The following MYO18B variants were observed in gnomAD, a reference collection of about 807,000 sequenced individuals.
MYO18B encodes the protein myosin XVIIIB, also known as unconventional myosin-XVIIIb.
In MYO18B, 204 loss-of-function variants were observed where a neutral mutation model predicts 273.0. The observed-to-expected ratio is 0.75, with a 90% confidence interval of 0.67 to 0.84. The LOEUF is 0.84. MYO18B is among the 40% of genes least tolerant of loss of function. The probability of loss-of-function intolerance (pLI) is 0.00; values close to 1 mark genes in which losing one functional copy is unlikely to be tolerated. For missense variants in MYO18B, 3,212 were observed against 3,287.6 expected (o/e 0.98, Z 0.56); for synonymous variants, 1,330 against 1,305.7 (o/e 1.02, Z -0.40).
chr22:25,879,015 G>A (rs183523478), intron 25 of MYO18B, among the ~76,000 whole-genome samples: 1 of 152,364 alleles, frequency 6.6e-6, no homozygotes, highest in East Asian at 1.9e-4. Context: ...AACAGTAGGT[G>A]AATATGTTTT....
At chr22:25,843,918 C>A (rs753030852) in intron 18 of MYO18B, 24 bp downstream of exon 18, 1 of 1,589,674 alleles carries the variant, frequency 6.3e-7, no homozygotes, top group Non-Finnish European at 8.6e-7. Flanking sequence ...GGGTTGGGGA[C>A]GGGGATGGAG....
At chr22:26,041,403 A>G in the MYO18B span, among the ~76,000 whole-genome samples, 1 of 151,248 alleles carries the variant, frequency 6.6e-6, no homozygotes, top group African/African-American at 2.4e-5. Context: ...ATGGTGGCAC[A>G]TGCCTGTAAT....
At chr22:25,894,346 TG>T (rs1326379841) in intron 27 of MYO18B, among the ~76,000 whole-genome samples, 1 of 152,200 alleles carries the variant, frequency 6.6e-6, no homozygotes, top group African/African-American at 2.4e-5. Flanking sequence ...GGATGATAGA[TG>T]AATAAGTGGG....
intron 21 of MYO18B, among the ~76,000 whole-genome samples, chr22:25,859,194 A>C (rs2090658925): frequency 6.6e-6 from 1 of 152,138 alleles, no homozygotes; most frequent in Non-Finnish European, 1.5e-5. Flanking sequence ...ATTTGCCTTA[A>C]AAACCTCAAA....
chr22:25,826,456 C>T lies in MYO18B; in HGVS notation c.2743C>T (p.Leu915=), dbSNP rs2089493799. 1.2e-6 allele frequency: 2 copies of T among 1,613,860 alleles called. No individual in the cohort carries two copies. The highest frequency in any genetic ancestry group is 1.7e-6 in the Non-Finnish European group (2 of 1,179,798). The part of the protein sequence containing the change: ...VDCVEGMASG[L]YQELFAAVVS... ...CTGTGTGGAGGGGATGGCCTCGGGC[C>T]TGTACCAGGAACTCTTTGCGGCTGT... Residue 915 remains leucine, a synonymous_variant, in exon 14 of 44, where the codon CTG becomes TTG. Coordinates refer to ENST00000335473, the MANE Select transcript of MYO18B (RefSeq NM_032608.7).
chr22:26,034,317 C>T (rs1367625845), downstream of MYO18B, among the ~76,000 whole-genome samples: 1 of 152,248 alleles, frequency 6.6e-6, no homozygotes, highest in African/African-American at 2.4e-5. Flanking sequence ...TCAACATGGC[C>T]TGGCCCCTGG....
the MYO18B span, among the ~76,000 whole-genome samples, chr22:26,056,802 A>G: frequency 6.6e-6 from 1 of 152,226 alleles, no homozygotes; most frequent in African/African-American, 2.4e-5. Context: ...ATGCACATTC[A>G]AAGGACTAGG....
At position 25,816,986 on chromosome 22, in the gene MYO18B, G is replaced by A. The variant is rs1271717955; in HGVS notation, c.2522-6519G>A. Among the ~76,000 whole-genome samples, 3 of 152,338 alleles carry A rather than the reference G, an allele frequency of 2.0e-5. No homozygotes were observed. In the East Asian group the frequency reaches 5.8e-4, roughly 29 times the overall value. On this transcript the variant is annotated intron_variant, in intron 12 of 43. Coordinates refer to ENST00000335473, the MANE Select transcript of MYO18B (RefSeq NM_032608.7). ...AACAGCACAGCTATTGTTGGAAGGA[G>A]AAATAACTTGGTTATTAATAAATGC...
At chr22:25,835,119 C>G (rs1324151589) in intron 16 of MYO18B, among the ~76,000 whole-genome samples, 177 bp from the exon 17 acceptor site, 1 of 152,174 alleles carries the variant, frequency 6.6e-6, no homozygotes, top group African/African-American at 2.4e-5. Context: ...TGAGAGGTTG[C>G]TATAGCTTCA....
chr22:26,011,110 T>C (rs1356135511), intron 42 of MYO18B, among the ~76,000 whole-genome samples: 6 of 149,618 alleles, frequency 4.0e-5, no homozygotes, highest in Non-Finnish European at 8.9e-5. Context: ...ATCCAGGAAT[T>C]CAAAAATGAT....
At chr22:26,054,852 A>G in the MYO18B span, among the ~76,000 whole-genome samples, 223 of 152,250 alleles carry the variant, frequency 1.5e-3, no homozygotes, top group African/African-American at 5.1e-3. Context: ...GTGCCTCTGA[A>G]TCTCACTTTT....
chr22:25,837,269 A>G (rs572712418), intron 17 of MYO18B, among the ~76,000 whole-genome samples: 2 of 152,284 alleles, frequency 1.3e-5, no homozygotes, highest in African/African-American at 2.4e-5. Context: ...AAGATGTCCA[A>G]GGACTAGGTT....
intron 11 of MYO18B, among the ~76,000 whole-genome samples, chr22:25,791,832 A>G (rs1386796833): frequency 1.3e-5 from 2 of 152,134 alleles, no homozygotes; most frequent in South Asian, 2.1e-4. Context: ...AATTCTCCCA[A>G]CGGTTCTTTA....
intron 27 of MYO18B, 69 bp downstream of exon 27, chr22:25,891,481 C>A: frequency 9.4e-7 from 1 of 1,065,792 alleles, no homozygotes; most frequent in Non-Finnish European, 1.4e-6. Flanking sequence ...TATTCAGTCA[C>A]TCATAGAGCA....
rs113867197 is a variant in MYO18B, at chr22:25,863,035, G to A, written c.3886-5285G>A. Reference sequence around the variant, plus strand: ...TTCTCTCCGTTCTTCAAATTGGATAGTTTCTATTGATCTATTTTCAAGTTT... The same window carrying A: ...TTCTCTCCGTTCTTCAAATTGGATAATTTCTATTGATCTATTTTCAAGTTT... On this transcript the variant is annotated intron_variant, in intron 21 of 43. Coordinates refer to ENST00000335473, the MANE Select transcript of MYO18B (RefSeq NM_032608.7). Among the ~76,000 whole-genome samples, 972 of 152,120 alleles carry A rather than the reference G, an allele frequency of 6.4e-3. 11 individuals are homozygous for A. The highest frequency in any genetic ancestry group is 0.022 in the African/African-American group (931 of 41,492).
chr22:25,946,159 G>A lies in MYO18B; in HGVS notation c.5540G>A (p.Cys1847Tyr), dbSNP rs1436663733. 2 of 1,564,690 alleles carry A rather than the reference G, an allele frequency of 1.3e-6. No homozygotes were observed. Among genetic ancestry groups the A allele is most frequent in the African/African-American group, 1.4e-5 (1 of 69,326 alleles). Residue 1847 changes from cysteine to tyrosine, a missense_variant, in exon 35 of 44, where the codon TGT becomes TAT. Physicochemically the swap from Cys to Tyr is radical, Grantham distance 194 (BLOSUM62 -2). Transcript: ENST00000335473. ...HSQLEQSEAK[C>Y]EEALKTQKVL... ...CAGCTGGAGCAGAGTGAAGCCAAGT[G>A]TGAGGAGGCCTTGAAGACGCAGAAG...
intron 39 of MYO18B, among the ~76,000 whole-genome samples, chr22:25,983,001 C>G (rs550502179): frequency 6.6e-6 from 1 of 152,198 alleles, no homozygotes; most frequent in Non-Finnish European, 1.5e-5. Context: ...GTTCGGGTAA[C>G]CTAGTATACA....
At chr22:25,861,636 T>C (rs6004803) in intron 21 of MYO18B, among the ~76,000 whole-genome samples, 5,075 of 152,280 alleles carry the variant, frequency 0.033, 141 homozygotes, top group East Asian at 0.12. Flanking sequence ...GTTCAATATA[T>C]TGATCTGTAA....
Position 25,776,602 on chromosome 22 carries a change from C to CA in MYO18B, c.1870-975dup, listed in dbSNP as rs1263188274. Among the ~76,000 whole-genome samples, 8 of 151,660 alleles carry CA rather than the reference C, an allele frequency of 5.3e-5. No individual in the cohort carries two copies. The East Asian group carries it at 1.4e-3, about 26-fold the overall frequency. On this transcript the variant is annotated intron_variant, in intron 7 of 43. Coordinates refer to ENST00000335473, the MANE Select transcript of MYO18B (RefSeq NM_032608.7). ...ACAAGAGCAAAACTCTGTCTCAAAA[C>CA]AAAAAACAAAAACAAAAACAAAAAA... is the stretch of plus-strand genomic sequence containing the variant.
Sources: allele counts gnomAD v4.1 joint callset (sites outside exome capture counted in the v4.1 genomes callset), GRCh38; gene constraint gnomAD v4.1.1; transcripts MANE v1.5; gene names NCBI Gene and HGNC (gene_info 2026-07-23, HGNC 2026-07-21).